The following RARRES1 variants were observed in gnomAD, a reference collection of about 807,000 sequenced individuals.
RARRES1 encodes retinoic acid receptor responder 1, also known as retinoic acid receptor responder protein 1.
A neutral mutation model predicts 30.6 loss-of-function variants in RARRES1; 34 were observed. The observed-to-expected ratio is 1.11, with a 90% CI of 0.84 to 1.48. RARRES1 has a LOEUF of 1.48. Ranked by LOEUF, RARRES1 falls within the 40% of genes most tolerant of loss-of-function variation. RARRES1 has a pLI of 0.00. For missense variants in RARRES1, 373 were observed against 386.5 expected (o/e 0.97, Z 0.29); for synonymous variants, 153 against 155.5 (o/e 0.98, Z 0.12).
intron 2 of RARRES1, 92 bp from the exon 3 acceptor site, chr3:158,711,025 A>T (rs1727115921): frequency 3.2e-6 from 4 of 1,233,318 alleles, no homozygotes; most frequent in Non-Finnish European, 3.5e-6. Context: ...TGTACAAGGC[A>T]GGCAGGCTCT....
At chr3:158,732,052 G>T in intron 1 of RARRES1, 88 bp downstream of exon 1, 1 of 1,200,922 alleles carries the variant, frequency 8.3e-7, no homozygotes, top group Non-Finnish European at 1.1e-6. Flanking sequence ...CATCCGTTGG[G>T]CCGGCAGGCG....
intron 1 of RARRES1, among the ~76,000 whole-genome samples, chr3:158,714,073 A>AC (rs1248842962): frequency 1.3e-5 from 2 of 152,016 alleles, no homozygotes; most frequent in African/African-American, 4.8e-5. Flanking sequence ...AAAGAGGGAG[A>AC]CTGAGAAAGG....
intron 1 of RARRES1, among the ~76,000 whole-genome samples, chr3:158,726,698 C>T (rs1727699329): frequency 6.6e-6 from 1 of 152,210 alleles, no homozygotes; most frequent in African/African-American, 2.4e-5. Context: ...GAGGGTTGTT[C>T]AGCATATTCT....
rs1175463184 is a variant in RARRES1 at position 158,711,600 on chromosome 3, CTTTTTT to C, written c.340-673_340-668del. Among the ~76,000 whole-genome samples the C allele has an allele frequency of 3.5e-3, 422 of 121,302 alleles. 1 individual carries two copies. The highest frequency in any genetic ancestry group is 0.012 in the African/African-American group (382 of 31,444). The allele number at this position is 121,302 out of a possible 152,430, so 79.6% of individuals were successfully genotyped here. A position where few individuals can be genotyped will look rare whatever the true frequency, so the allele number is the denominator to read the frequency against. ...CTGAGTGATGTTTATTTGCATTCAT[CTTTTTT>C]TTTTTTTTTTTTTTTGAGATGGAGT... On this transcript the variant is annotated intron_variant, in intron 2 of 5. Coordinates refer to ENST00000237696, the MANE Select transcript of RARRES1 (RefSeq NM_206963.2).
At chr3:158,721,699 TA>T (rs1727516890) in intron 1 of RARRES1, among the ~76,000 whole-genome samples, 1 of 152,194 alleles carries the variant, frequency 6.6e-6, no homozygotes. Flanking sequence ...TGAATCAGGT[TA>T]TGATACCTTA....
chr3:158,727,506 G>A (rs1464947119), intron 1 of RARRES1, among the ~76,000 whole-genome samples: 4 of 152,188 alleles, frequency 2.6e-5, no homozygotes, highest in African/African-American at 9.7e-5. Context: ...TAAAAGGCCG[G>A]CCTCTCACCA....
chr3:158,721,784 G>A (rs906388739), intron 1 of RARRES1, among the ~76,000 whole-genome samples: 3 of 152,130 alleles, frequency 2.0e-5, no homozygotes, highest in African/African-American at 7.2e-5. Context: ...CACAGTATGT[G>A]CTATTCTTTG....
At chr3:158,708,804 C>T (rs1727014007) in intron 3 of RARRES1, among the ~76,000 whole-genome samples, 1 of 152,078 alleles carries the variant, frequency 6.6e-6, no homozygotes, top group Admixed American at 6.6e-5. Context: ...GTAGCTGGGA[C>T]TACAGGCGCA....
Position 158,732,166 on chromosome 3 carries a change from C to A in RARRES1, c.250G>T (p.Ala84Ser). The change falls in exon 1 of 6, where the codon GCC (alanine) becomes TCC (serine). Residue 84 changes from alanine to serine, a missense_variant. Physicochemically the swap from Ala to Ser is moderately conservative, Grantham distance 99. Coordinates refer to ENST00000237696, the MANE Select transcript of RARRES1 (RefSeq NM_206963.2). Reference protein sequence around the residue: ...SGSPSALRVLAEVQEGRAWIN... With the variant: ...SGSPSALRVLSEVQEGRAWIN... ...CACGCGCGGCCCTCCTGCACCTCGG[C>A]CAGCACTCGTAGCGCGCTGGGCGAG... is the stretch of plus-strand genomic sequence containing the variant. 7.1e-7 allele frequency: 1 copy of A among 1,410,648 alleles called. No individual in the cohort carries two copies. Among genetic ancestry groups the A allele is most frequent in the South Asian group, 1.5e-5 (1 of 65,278 alleles). 87.4% of individuals were successfully genotyped at this position (1,410,648 alleles called of 1,614,324 possible). A position where few individuals can be genotyped will look rare whatever the true frequency, so the allele number is the denominator to read the frequency against.
intron 4 of RARRES1, among the ~76,000 whole-genome samples, chr3:158,700,148 ATAT>A (rs1726676264): frequency 6.6e-6 from 1 of 152,054 alleles, no homozygotes; most frequent in Admixed American, 6.6e-5. Flanking sequence ...AGCATGGGCA[ATAT>A]TATTATTTTT....
chr3:158,725,564 T>G (rs916266964), intron 1 of RARRES1, among the ~76,000 whole-genome samples: 2 of 152,158 alleles, frequency 1.3e-5, no homozygotes, highest in Admixed American at 1.3e-4. Flanking sequence ...TGCTCTGTGA[T>G]TACATGCATC....
At chr3:158,718,340 G>A (rs1215146840) in intron 1 of RARRES1, among the ~76,000 whole-genome samples, 1 of 152,174 alleles carries the variant, frequency 6.6e-6, no homozygotes, top group African/African-American at 2.4e-5. Context: ...AATAATGCAA[G>A]TAGCCCAATA....
chr3:158,709,706 A>G (rs549596485), intron 3 of RARRES1, among the ~76,000 whole-genome samples: 3 of 152,294 alleles, frequency 2.0e-5, no homozygotes, highest in Admixed American at 1.3e-4. Flanking sequence ...ACTGTGGGAG[A>G]GGGTGGGACC....
chr3:158,730,577 G>A (rs1419994769), intron 1 of RARRES1, among the ~76,000 whole-genome samples: 1 of 151,642 alleles, frequency 6.6e-6, no homozygotes, highest in Non-Finnish European at 1.5e-5. Flanking sequence ...GGGACCACAG[G>A]CCCACGCCAC....
chr3:158,710,805 T>C lies in RARRES1; in HGVS notation c.468A>G (p.Gln156=), dbSNP rs1233090294. The C allele has an allele frequency of 1.9e-6, 3 of 1,613,538 alleles. No individual in the cohort carries two copies. Among genetic ancestry groups the C allele is most frequent in the Non-Finnish European group, 2.5e-6 (3 of 1,179,758 alleles). Residue 156 remains glutamine (Q), a synonymous_variant, in exon 3 of 6, where the codon CAA becomes CAG. Coordinates refer to ENST00000237696, the MANE Select transcript of RARRES1 (RefSeq NM_206963.2). ...TTTGCTTGTAAAGCAGGTAATCCTC[T>C]TGTTGTCTTTTCTTTTTCTCGATGA... The part of the protein sequence containing the change: ...TRLIEKKKRQ[Q]EDYLLYKQMK...
chr3:158,713,093 G>T (rs1430266587), intron 2 of RARRES1, among the ~76,000 whole-genome samples: 2 of 152,094 alleles, frequency 1.3e-5, no homozygotes, highest in Admixed American at 6.5e-5. Flanking sequence ...TGCCACCCTG[G>T]AACACTTTAA....
At chr3:158,719,179 T>A (rs921430024) in intron 1 of RARRES1, among the ~76,000 whole-genome samples, 14 of 152,278 alleles carry the variant, frequency 9.2e-5, no homozygotes, top group African/African-American at 3.1e-4. Flanking sequence ...TGTAGATTTT[T>A]AAAAAATTAT....
chr3:158,716,033 G>A (rs929506323), intron 1 of RARRES1, among the ~76,000 whole-genome samples: 6 of 152,212 alleles, frequency 3.9e-5, no homozygotes, highest in East Asian at 1.9e-4. Flanking sequence ...TATGTGCACC[G>A]CAGCACCTGG....
At chr3:158,721,873 C>T (rs1204835775) in intron 1 of RARRES1, among the ~76,000 whole-genome samples, 1 of 151,976 alleles carries the variant, frequency 6.6e-6, no homozygotes, top group Non-Finnish European at 1.5e-5. Flanking sequence ...GGGCAGATCA[C>T]CTGAGGTCGA....
Sources: gnomAD v4.1 joint callset for allele counts (sites outside exome capture counted in the v4.1 genomes callset) on GRCh38, gnomAD v4.1.1 for gene constraint, MANE v1.5 for transcripts, NCBI Gene and HGNC (gene_info 2026-07-23, HGNC 2026-07-21) for gene names.